Variants in CFHR5 observed in about 807,000 individuals in gnomAD.
CFHR5 encodes complement factor H related 5.
In CFHR5, 73 loss-of-function variants were observed where a neutral mutation model predicts 62.9. The ratio of observed to expected loss-of-function variants is 1.16; its 90% CI spans 0.96 to 1.41. The LOEUF is 1.41. Among genes scored for constraint, CFHR5 ranks in the 40% most tolerant of loss-of-function variants. The pLI is 0.00. For missense variants in CFHR5, 779 were observed against 679.9 expected, an observed-to-expected ratio of 1.15 and a Z score of -1.62; for synonymous variants, 249 against 227.2, an observed-to-expected ratio of 1.10 and a Z score of -0.86.
At position 197,009,379 on chromosome 1, in the gene CFHR5, G is replaced by A. The variant is rs979739045; in HGVS notation, c.*696G>A. ...AACATGGGGAATTTTATTCATAAATGTCCACAGAAACAGTAAATGTTCTCG... is the reference window on the plus strand; with the variant it reads ...AACATGGGGAATTTTATTCATAAATATCCACAGAAACAGTAAATGTTCTCG... On this transcript the variant is annotated 3_prime_UTR_variant, in exon 10 of 10. Coordinates refer to ENST00000256785, the MANE Select transcript of CFHR5 (RefSeq NM_030787.4). 5.3e-5 allele frequency: 8 copies of A among 152,160 alleles called. No individual in the cohort carries two copies. Among genetic ancestry groups the A allele is most frequent in the African/African-American group, 1.9e-4 (8 of 41,434 alleles). 9.4% of individuals were successfully genotyped at this position (152,160 alleles called of 1,614,324 possible).
rs755146022 is a variant in CFHR5, at chr1:197,004,660, G to C, written c.1331-1G>C. 8.1e-6 allele frequency: 13 copies of C among 1,611,590 alleles called. 1 individual carries two copies. In the South Asian group the frequency reaches 1.4e-4, roughly 18 times the overall value. On this transcript the variant is annotated splice_acceptor_variant, in intron 8 of 9. Coordinates refer to ENST00000256785, the MANE Select transcript of CFHR5 (RefSeq NM_030787.4). LOFTEE classifies it high-confidence loss of function. ...CTCAACAAATAAATGCTGTTTTCCAGAGTCTACTGCATATTGTGGGCCCCC... is the reference window on the plus strand; with the variant it reads ...CTCAACAAATAAATGCTGTTTTCCACAGTCTACTGCATATTGTGGGCCCCC...
chr1:196,986,371 T>TA (rs1216947299), intron 3 of CFHR5, among the ~76,000 whole-genome samples: 59 of 151,198 alleles, frequency 3.9e-4, no homozygotes, highest in Middle Eastern at 3.5e-3. Flanking sequence ...TTATTTTCTT[T>TA]TTATATATAT....
chr1:196,993,223 A>T (rs1328729825), intron 3 of CFHR5, among the ~76,000 whole-genome samples: 1 of 152,180 alleles, frequency 6.6e-6, no homozygotes, highest in Non-Finnish European at 1.5e-5. Context: ...CTTTTGTAAA[A>T]CTGGGAATAA....
At chr1:197,007,299 C>T (rs1654314550) in intron 9 of CFHR5, among the ~76,000 whole-genome samples, 1 of 151,838 alleles carries the variant, frequency 6.6e-6, no homozygotes, top group Admixed American at 6.6e-5. Context: ...TTAAAGATAA[C>T]TTCAAAATTT....
chr1:196,990,422 G>A (rs1450732061), intron 3 of CFHR5, among the ~76,000 whole-genome samples: 1 of 152,084 alleles, frequency 6.6e-6, no homozygotes, highest in Non-Finnish European at 1.5e-5. Context: ...TGTGATGTTA[G>A]CTAGTTATTT....
chr1:197,001,836 T>A (rs989529835), intron 7 of CFHR5, among the ~76,000 whole-genome samples: 1 of 151,758 alleles, frequency 6.6e-6, no homozygotes. Flanking sequence ...AAACATGAGA[T>A]GAAGGAGATC....
intron 5 of CFHR5, 23 bp downstream of exon 5, chr1:196,995,922 A>T: frequency 1.9e-6 from 3 of 1,603,044 alleles, no homozygotes; most frequent in Non-Finnish European, 2.6e-6. Context: ...TAACATTTAA[A>T]CAGGACAGTT....
Position 196,996,172 on chromosome 1 carries a change from G to A in CFHR5, c.941G>A (p.Gly314Glu). The A allele has an allele frequency of 1.2e-6, 2 of 1,612,776 alleles. No individual in the cohort carries two copies. Among genetic ancestry groups the A allele is most frequent in the South Asian group, 1.1e-5 (1 of 91,056 alleles). Residue 314 changes from glycine (G) to glutamate (E), a missense_variant, in exon 6 of 10, where the codon GGA becomes GAA. Physicochemically the swap from Gly to Glu is moderately conservative, Grantham distance 98. Transcript: ENST00000256785. ...IGNNMITCIN[G>E]IWTELPMCVA... ...AATAACATGATTACCTGTATTAATG[G>A]AATATGGACAGAGCTTCCTATGTGT...
intron 3 of CFHR5, among the ~76,000 whole-genome samples, chr1:196,985,461 A>G (rs1387558546): frequency 6.6e-6 from 1 of 152,128 alleles, no homozygotes; most frequent in African/African-American, 2.4e-5. Flanking sequence ...GTCTCTTTCA[A>G]TTACAAGGGG....
chr1:196,992,998 CAAGA>C (rs1266401322), intron 3 of CFHR5, among the ~76,000 whole-genome samples: 2 of 151,948 alleles, frequency 1.3e-5, no homozygotes, highest in Non-Finnish European at 2.9e-5. Flanking sequence ...TTATTTTACA[CAAGA>C]ATTAATATAT....
At chr1:197,007,679 T>C (rs1236894059) in intron 9 of CFHR5, among the ~76,000 whole-genome samples, 1 of 147,766 alleles carries the variant, frequency 6.8e-6, no homozygotes, top group Non-Finnish European at 1.5e-5. Context: ...TATCTAAATA[T>C]ACATAAGTAT....
chr1:196,975,645 C>T (rs1362001485), upstream of CFHR5, among the ~76,000 whole-genome samples: 2 of 152,016 alleles, frequency 1.3e-5, no homozygotes, highest in African/African-American at 4.8e-5. Context: ...AAGTCATTAG[C>T]AAAGCACAAA....
At chr1:196,985,340 C>T (rs892878628) in intron 3 of CFHR5, among the ~76,000 whole-genome samples, 1 of 152,114 alleles carries the variant, frequency 6.6e-6, no homozygotes, top group African/African-American at 2.4e-5. Context: ...GACCCTTCCC[C>T]ACTAGAAAAA....
chr1:197,002,750 T>C (rs1040283704), intron 8 of CFHR5, 86 bp downstream of exon 8: 11 of 1,119,012 alleles, frequency 9.8e-6, no homozygotes, highest in Non-Finnish European at 8.0e-6. Context: ...CAAGAACTTA[T>C]GACTAATCTG....
chr1:196,982,401 G>T (rs1253514515), intron 1 of CFHR5, among the ~76,000 whole-genome samples: 1 of 152,152 alleles, frequency 6.6e-6, no homozygotes, highest in Non-Finnish European at 1.5e-5. Flanking sequence ...GTCCGGCATG[G>T]TGGTTCATGC....
chr1:196,977,032 C>T (rs1013279975), upstream of CFHR5, among the ~76,000 whole-genome samples: 3 of 151,860 alleles, frequency 2.0e-5, no homozygotes, highest in Non-Finnish European at 2.9e-5. Flanking sequence ...TGGTCTCGAT[C>T]TCCTGACCTT....
Position 196,996,029 on chromosome 1 carries a change from G to A in CFHR5, c.798G>A (p.Val266=). The change falls in exon 6 of 10, where the codon GTG becomes GTA. Residue 266 remains valine (V), a synonymous_variant. Coordinates refer to ENST00000256785, the MANE Select transcript of CFHR5 (RefSeq NM_030787.4). ...TTTATTACATTTTCTTAGAACAAGT[G>A]AAAACATGTGGATACATACCTGAAC... is the stretch of plus-strand genomic sequence containing the variant. ...WTTLPTCVEQ[V]KTCGYIPELE... 6.2e-7 allele frequency: 1 copy of A among 1,613,666 alleles called. No homozygotes were observed. Among genetic ancestry groups the A allele is most frequent in the Non-Finnish European group, 8.5e-7 (1 of 1,179,724 alleles).
At chr1:196,977,753 T>G in intron 1 of CFHR5, 31 bp downstream of exon 1, 1 of 1,524,552 alleles carries the variant, frequency 6.6e-7, no homozygotes, top group Non-Finnish European at 9.1e-7. Flanking sequence ...AATATTTTAG[T>G]TCCTTTTCAA....
intron 3 of CFHR5, among the ~76,000 whole-genome samples, chr1:196,984,375 T>C (rs1335716612): frequency 6.6e-6 from 1 of 152,180 alleles, no homozygotes; most frequent in East Asian, 1.9e-4. Context: ...AGATAATCCA[T>C]TAATGTAACA....
Sources: allele counts gnomAD v4.1 joint callset (sites outside exome capture counted in the v4.1 genomes callset), GRCh38; gene constraint gnomAD v4.1.1; transcripts MANE v1.5; gene names NCBI Gene and HGNC (gene_info 2026-07-23, HGNC 2026-07-21).